Variants in ARHGEF10L observed in about 807,000 individuals in gnomAD.
ARHGEF10L encodes the protein Rho guanine nucleotide exchange factor 10 like.
A neutral mutation model predicts 141.2 loss-of-function variants in ARHGEF10L; 69 were observed. That is an observed-to-expected ratio of 0.49 (90% CI 0.40 to 0.60). The LOEUF (loss-of-function observed/expected upper bound fraction) is 0.60, where lower values mean the gene tolerates loss of function less well. ARHGEF10L is among the 20% of genes least tolerant of loss of function. The pLI, the probability that ARHGEF10L is intolerant of heterozygous loss-of-function variation, is 0.00. For synonymous variants in ARHGEF10L, 711 were observed against 718.5 expected, an observed-to-expected ratio of 0.99 and a Z score of 0.17; for missense variants, 1,482 against 1,734.3, an observed-to-expected ratio of 0.85 and a Z score of 2.58.
At chr1:17,669,451 TC>T (rs1168336169) in intron 26 of ARHGEF10L, among the ~76,000 whole-genome samples, 4 of 152,188 alleles carry the variant, frequency 2.6e-5, no homozygotes, top group Non-Finnish European at 5.9e-5. Context: ...ATACGATTAT[TC>T]CCACTTTACA....
Position 17,587,972 on chromosome 1 carries a change from A to G in ARHGEF10L, c.223+327A>G, listed in dbSNP as rs181849234. ...CTAAAGAATCCACACCAGCCAGAAG[A>G]GCAGCCTCCCAGAGGTTCCCTCTCC... On this transcript the variant is annotated intron_variant, in intron 3 of 28. Transcript: ENST00000361221. Among the ~76,000 whole-genome samples the G allele has an allele frequency of 4.6e-3, 701 of 152,328 alleles. 6 individuals carry two copies. The highest frequency in any genetic ancestry group is 0.015 in the African/African-American group (635 of 41,574).
At chr1:17,586,355 G>A (rs1368732927) in intron 2 of ARHGEF10L, among the ~76,000 whole-genome samples, 7 of 152,204 alleles carry the variant, frequency 4.6e-5, no homozygotes, top group African/African-American at 1.7e-4. Context: ...TCATGCCTAA[G>A]CTGTGTGTCA....
At chr1:17,583,993 C>T (rs1236206012) in intron 2 of ARHGEF10L, among the ~76,000 whole-genome samples, 1 of 151,970 alleles carries the variant, frequency 6.6e-6, no homozygotes, top group Non-Finnish European at 1.5e-5. Context: ...CTGAGACTGC[C>T]GGCACATACC....
intron 1 of ARHGEF10L, among the ~76,000 whole-genome samples, chr1:17,548,381 A>G (rs918961042): frequency 6.6e-6 from 1 of 152,206 alleles, no homozygotes; most frequent in African/African-American, 2.4e-5. Context: ...TAAATTGTGG[A>G]GAAGTGAGGA....
chr1:17,602,104 G>T (rs1398506013), intron 4 of ARHGEF10L, 23 bp from the exon 5 acceptor site: 1 of 1,540,860 alleles, frequency 6.5e-7, no homozygotes, highest in East Asian at 2.4e-5. Flanking sequence ...GGACACCTCT[G>T]CAGTGCCATC....
At chr1:17,586,235 GT>G (rs1259816101) in intron 2 of ARHGEF10L, among the ~76,000 whole-genome samples, 7 of 152,222 alleles carry the variant, frequency 4.6e-5, no homozygotes, top group Non-Finnish European at 1.0e-4. Context: ...GGAAAGTGCT[GT>G]TTTTATTCTC....
intron 1 of ARHGEF10L, among the ~76,000 whole-genome samples, chr1:17,551,874 T>C (rs1200662788): frequency 6.6e-6 from 1 of 152,086 alleles, no homozygotes; most frequent in Non-Finnish European, 1.5e-5. Flanking sequence ...GGATGGTGAG[T>C]AACCCCAGGG....
Position 17,607,895 on chromosome 1 carries a change from G to C in ARHGEF10L, c.527G>C (p.Ser176Thr). The C allele has an allele frequency of 6.4e-7, 1 of 1,563,446 alleles. No homozygotes were observed. The highest frequency in any genetic ancestry group is 1.9e-5 in the Admixed American group (1 of 51,756). The stretch of plus-strand genomic sequence containing the variant: ...GGCTGGAGCTCCAGTGAGTTCGAGA[G>C]CTACAGCGAGGACTCGGGGGAGGAG... Reference protein sequence around the residue: ...DLGWSSSEFESYSEDSGEEAK... With the variant: ...DLGWSSSEFETYSEDSGEEAK... Residue 176 changes from serine to threonine, a missense_variant, in exon 7 of 29, where the codon AGC becomes ACC. Transcript: ENST00000361221. The surrounding 1 kb of genome is among the most constrained non-coding windows in gnomAD (Gnocchi z 4.5).
chr1:17,597,819 G>C (rs753513958), intron 4 of ARHGEF10L, among the ~76,000 whole-genome samples: 5 of 152,192 alleles, frequency 3.3e-5, no homozygotes, highest in Admixed American at 3.3e-4. Flanking sequence ...AAGGTGCAGC[G>C]AGGAGGAGCC....
the ARHGEF10L span, among the ~76,000 whole-genome samples, chr1:17,526,001 CA>C: frequency 0.021 from 1,245 of 60,248 alleles, 6 homozygotes; most frequent in Non-Finnish European, 0.025. Context: ...GACTCTGTCT[CA>C]AAAAAAAAAA....
At position 17,619,464 on chromosome 1, in the gene ARHGEF10L, C is replaced by G; in HGVS notation, c.942+19C>G. Reference sequence around the variant, plus strand: ...TCAGCAGGTCTGTGGGGGAGTGGGGCAGGTGGGGGTCTGCAGGGGAAGGGG... The same window carrying G: ...TCAGCAGGTCTGTGGGGGAGTGGGGGAGGTGGGGGTCTGCAGGGGAAGGGG... On this transcript the variant is annotated intron_variant, in intron 10 of 28. Transcript: ENST00000361221. The surrounding 1 kb of genome is among the most constrained non-coding windows in gnomAD (Gnocchi z 5.0). The G allele has an allele frequency of 2.6e-6, 4 of 1,530,924 alleles. No individual in the cohort carries two copies. Among genetic ancestry groups the G allele is most frequent in the East Asian group, 2.4e-5 (1 of 41,402 alleles). 94.8% of individuals were successfully genotyped at this position (1,530,924 alleles called of 1,614,324 possible).
chr1:17,550,614 G>C (rs1365664018), intron 1 of ARHGEF10L, among the ~76,000 whole-genome samples: 1 of 150,342 alleles, frequency 6.7e-6, no homozygotes, highest in African/African-American at 2.5e-5. Flanking sequence ...TTGCAGTATA[G>C]TGTGGGCAAC....
chr1:17,672,502 G>A (rs191434882), intron 26 of ARHGEF10L, among the ~76,000 whole-genome samples: 2 of 152,294 alleles, frequency 1.3e-5, no homozygotes, highest in Admixed American at 1.3e-4. Context: ...CTGGGCCACT[G>A]CCAGAGCATG....
intron 15 of ARHGEF10L, among the ~76,000 whole-genome samples, chr1:17,629,841 G>C (rs2060583502): frequency 6.6e-6 from 1 of 152,232 alleles, no homozygotes; most frequent in South Asian, 2.1e-4. Flanking sequence ...CGGTGACCAA[G>C]AGGCTTTCTC....
intron 1 of ARHGEF10L, among the ~76,000 whole-genome samples, chr1:17,576,317 C>G (rs752423771): frequency 6.6e-6 from 1 of 152,014 alleles, no homozygotes; most frequent in Admixed American, 6.5e-5. Flanking sequence ...CAGGAAGACA[C>G]CTGCTGTGAT....
the ARHGEF10L span, among the ~76,000 whole-genome samples, chr1:17,527,815 G>A: frequency 4.0e-5 from 6 of 151,488 alleles, no homozygotes; most frequent in South Asian, 2.1e-4. Context: ...ACTGGGAGGC[G>A]AGGGTTATTG....
chr1:17,670,603 C>A (rs986263989), intron 26 of ARHGEF10L, among the ~76,000 whole-genome samples: 3 of 152,256 alleles, frequency 2.0e-5, no homozygotes, highest in Non-Finnish European at 2.9e-5. Flanking sequence ...CAGTGCCCTG[C>A]AAGGCTGCTC....
At chr1:17,560,079 G>A (rs542967219) in intron 1 of ARHGEF10L, among the ~76,000 whole-genome samples, 15 of 152,240 alleles carry the variant, frequency 9.9e-5, no homozygotes, top group African/African-American at 2.9e-4. Context: ...GCTAGGCTCC[G>A]AGTGTCCCCC....
chr1:17,669,174 T>C (rs561131505), intron 26 of ARHGEF10L, among the ~76,000 whole-genome samples: 8 of 152,066 alleles, frequency 5.3e-5, no homozygotes, highest in Non-Finnish European at 1.0e-4. Context: ...CCCTATGGGG[T>C]TTGAGATTCT....
Sources: allele counts gnomAD v4.1 joint callset (sites outside exome capture counted in the v4.1 genomes callset), GRCh38; gene constraint gnomAD v4.1.1; non-coding constraint Gnocchi (gnomAD v3.1); transcripts MANE v1.5; gene names NCBI Gene and HGNC (gene_info 2026-07-23, HGNC 2026-07-21).